Variants in RPH3A observed in about 807,000 individuals in gnomAD.
RPH3A encodes rabphilin 3A.
In RPH3A, 48 loss-of-function variants were observed where a neutral mutation model predicts 102.2. The ratio of observed to expected loss-of-function variants is 0.47; its 90% CI spans 0.37 to 0.60. RPH3A has a LOEUF of 0.60. Among genes scored for constraint, RPH3A ranks in the 20% least tolerant of loss-of-function variants. The probability of loss-of-function intolerance (pLI) is 0.00; values close to 1 mark genes in which losing one functional copy is unlikely to be tolerated. For synonymous variants in RPH3A, 310 were observed against 324.3 expected (o/e 0.96, Z 0.47); for missense variants, 781 against 910.1 (o/e 0.86, Z 1.83).
chr12:112,894,798 T>C, intron 20 of RPH3A, 139 bp downstream of exon 20: 1 of 762,660 alleles, frequency 1.3e-6, no homozygotes, highest in Non-Finnish European at 2.1e-6. Context: ...AGAAAAATAT[T>C]TGAAAAATAT....
At chr12:112,648,568 T>TAAAAAAAAAAAAA (rs1306705396) in intron 1 of RPH3A, among the ~76,000 whole-genome samples, 1 of 1,052 alleles carries the variant, frequency 9.5e-4, no homozygotes, top group Non-Finnish European at 1.4e-3. Context: ...ACCCCATCTC[T>TAAAAAAAAAAAAA]ACAAAAAAAA....
At chr12:112,869,668 G>C in intron 8 of RPH3A, 91 bp from the exon 9 acceptor site, 1 of 1,204,844 alleles carries the variant, frequency 8.3e-7, no homozygotes, top group South Asian at 1.3e-5. Flanking sequence ...TTAGGCAATA[G>C]TCAATGAACC....
At chr12:112,780,771 G>A (rs1169656854) in intron 1 of RPH3A, among the ~76,000 whole-genome samples, 1 of 152,096 alleles carries the variant, frequency 6.6e-6, no homozygotes, top group East Asian at 1.9e-4. Context: ...CTCCCTATGC[G>A]GGTATCAGAA....
chr12:112,645,454 G>T (rs1391248810), intron 1 of RPH3A, among the ~76,000 whole-genome samples: 1 of 152,160 alleles, frequency 6.6e-6, no homozygotes, highest in African/African-American at 2.4e-5. Flanking sequence ...AAAATTTGTT[G>T]TTCTCTGAAA....
chr12:112,797,544 A>G (rs947464026), intron 2 of RPH3A, among the ~76,000 whole-genome samples: 6 of 152,132 alleles, frequency 3.9e-5, no homozygotes, highest in Non-Finnish European at 8.8e-5. Flanking sequence ...TGCTAACCTC[A>G]GACAATTCCA....
intron 2 of RPH3A, among the ~76,000 whole-genome samples, chr12:112,793,428 T>C (rs1370277951): frequency 3.9e-5 from 6 of 152,362 alleles, no homozygotes; most frequent in South Asian, 2.1e-4. Context: ...CAGTCAGAGA[T>C]TGGCAAGCCT....
intron 1 of RPH3A, among the ~76,000 whole-genome samples, chr12:112,748,639 C>T (rs2040764418): frequency 6.6e-6 from 1 of 152,164 alleles, no homozygotes; most frequent in Non-Finnish European, 1.5e-5. Flanking sequence ...CTGGCCTGCT[C>T]CCACTCTTGA....
chr12:112,674,623 C>T (rs2040159920), intron 1 of RPH3A, among the ~76,000 whole-genome samples: 1 of 152,156 alleles, frequency 6.6e-6, no homozygotes, highest in African/African-American at 2.4e-5. Context: ...GGTAGCCTCC[C>T]AGGCTACCTC....
chr12:112,883,671 G>A (rs1272815681), intron 16 of RPH3A, among the ~76,000 whole-genome samples: 1 of 152,106 alleles, frequency 6.6e-6, no homozygotes, highest in Non-Finnish European at 1.5e-5. Context: ...GTGTGTGGGT[G>A]TGTATGTAAA....
Position 112,887,777 on chromosome 12 carries a change from C to A in RPH3A, c.1437-20C>A. On this transcript the variant is annotated intron_variant, in intron 16 of 21. Transcript: ENST00000389385. The stretch of plus-strand genomic sequence containing the variant: ...ATATTTGTTCCTGTTTCTCTCTCTA[C>A]CCCCTTGTGTTGGTGGCAGGATCTC... 6.2e-7 allele frequency: 1 copy of A among 1,611,406 alleles called. No homozygotes were observed.
intron 2 of RPH3A, among the ~76,000 whole-genome samples, chr12:112,798,952 GAC>G (rs1030032911): frequency 2.6e-5 from 4 of 151,776 alleles, no homozygotes; most frequent in Middle Eastern, 3.4e-3. Context: ...TCATCTTTAA[GAC>G]ACACAGAAAT....
At chr12:112,756,419 T>C (rs527357611) in intron 1 of RPH3A, among the ~76,000 whole-genome samples, 70 of 152,272 alleles carry the variant, frequency 4.6e-4, no homozygotes, top group African/African-American at 1.7e-3. Context: ...ACTTTGTTGG[T>C]CAGGCTGGTC....
Position 112,841,173 on chromosome 12 carries a change from T to TAAAAAAAAAAAAAAAAAAAAA in RPH3A, c.83+4672_83+4692dup, listed in dbSNP as rs11447068. The stretch of plus-strand genomic sequence containing the variant: ...GGCAACATAACAAGACCTTGTTTCT[T>TAAAAAAAAAAAAAAAAAAAAA]AAAAAAAAAAAAAAAAAAAAAGCCT... On this transcript the variant is annotated intron_variant, in intron 4 of 21. Coordinates refer to ENST00000389385, the MANE Select transcript of RPH3A (RefSeq NM_001143854.2). 3.1e-3 allele frequency among the ~76,000 whole-genome samples: 102 copies of TAAAAAAAAAAAAAAAAAAAAA among 33,282 alleles called. 7 individuals are homozygous for TAAAAAAAAAAAAAAAAAAAAA. Among genetic ancestry groups the TAAAAAAAAAAAAAAAAAAAAA allele is most frequent in the East Asian group, 6.8e-3 (6 of 884 alleles). 21.8% of individuals were successfully genotyped at this position (33,282 alleles called of 152,430 possible).
intron 1 of RPH3A, among the ~76,000 whole-genome samples, chr12:112,782,925 C>T (rs2041019013): frequency 1.3e-5 from 2 of 152,198 alleles, no homozygotes; most frequent in South Asian, 4.1e-4. Context: ...TGGACAGAGT[C>T]TCATGGGTCA....
At chr12:112,754,317 T>G (rs1375637352) in intron 1 of RPH3A, among the ~76,000 whole-genome samples, 1 of 152,102 alleles carries the variant, frequency 6.6e-6, no homozygotes, top group East Asian at 1.9e-4. Flanking sequence ...ATAAAACATC[T>G]AAAGCATCTG....
At chr12:112,661,246 G>A (rs536991183) in intron 1 of RPH3A, among the ~76,000 whole-genome samples, 1 of 152,214 alleles carries the variant, frequency 6.6e-6, no homozygotes, top group East Asian at 1.9e-4. Flanking sequence ...GCTTTTTGGT[G>A]CCTCAGTTTC....
chr12:112,892,976 G>A (rs1169998888), intron 19 of RPH3A: 1 of 152,212 alleles, frequency 6.6e-6, no homozygotes, highest in Non-Finnish European at 1.5e-5. Flanking sequence ...GTTTCTAAGA[G>A]TAATTTGATT....
intron 1 of RPH3A, among the ~76,000 whole-genome samples, chr12:112,666,322 G>T (rs2040083386): frequency 6.6e-6 from 1 of 152,096 alleles, no homozygotes; most frequent in Admixed American, 6.6e-5. Flanking sequence ...GCCTTTTAGG[G>T]TCCTATTTCA....
At chr12:112,743,513 C>T (rs545137510) in intron 1 of RPH3A, among the ~76,000 whole-genome samples, 5 of 152,332 alleles carry the variant, frequency 3.3e-5, no homozygotes, top group South Asian at 2.1e-4. Flanking sequence ...CTACTGTGTA[C>T]GCTGCTAAAA....
Sources: gnomAD v4.1 joint callset for allele counts (sites outside exome capture counted in the v4.1 genomes callset) on GRCh38, gnomAD v4.1.1 for gene constraint, MANE v1.5 for transcripts, NCBI Gene and HGNC (gene_info 2026-07-23, HGNC 2026-07-21) for gene names.